Variants in ACOXL observed in about 807,000 individuals in gnomAD.
The protein encoded by ACOXL is acyl-CoA oxidase like.
Under a neutral mutation model 71.9 loss-of-function variants are expected in ACOXL, and 70 were observed. That is an observed-to-expected ratio of 0.97 (90% CI 0.80 to 1.19). The LOEUF is 1.19. ACOXL is among the 50% of genes most tolerant of loss of function. ACOXL has a pLI of 0.00. For missense variants in ACOXL, 703 were observed against 736.3 expected (o/e 0.95, Z 0.52); for synonymous variants, 253 against 281.6 (o/e 0.90, Z 1.02).
intron 13 of ACOXL, among the ~76,000 whole-genome samples, chr2:110,993,378 CAG>C (rs764777686): frequency 7.2e-5 from 11 of 152,340 alleles, no homozygotes; most frequent in Middle Eastern, 6.8e-3. Context: ...TTCACATAAA[CAG>C]AACCAGGCAG....
chr2:111,102,641 T>C (rs1278766481), intron 17 of ACOXL, among the ~76,000 whole-genome samples: 1 of 149,398 alleles, frequency 6.7e-6, no homozygotes, highest in East Asian at 2.1e-4. Flanking sequence ...AATAGCCATG[T>C]TGCACAAAAA....
intron 11 of ACOXL, among the ~76,000 whole-genome samples, chr2:110,920,643 C>T (rs1488346974): frequency 2.6e-5 from 4 of 151,536 alleles, no homozygotes; most frequent in Non-Finnish European, 4.4e-5. Context: ...CTCTAATGTT[C>T]TTTTTTGAGA....
At chr2:110,824,187 A>T (rs1688924721) in intron 9 of ACOXL, among the ~76,000 whole-genome samples, 1 of 152,168 alleles carries the variant, frequency 6.6e-6, no homozygotes, top group Non-Finnish European at 1.5e-5. Flanking sequence ...TTATGTGGGG[A>T]TATTTCTGAA....
chr2:110,911,007 G>A (rs972629139), intron 11 of ACOXL, among the ~76,000 whole-genome samples: 40 of 152,052 alleles, frequency 2.6e-4, no homozygotes, highest in African/African-American at 9.4e-4. Context: ...CTAAGACATT[G>A]CTATAACTGT....
chr2:111,052,353 C>A (rs1177759142), intron 16 of ACOXL, among the ~76,000 whole-genome samples: 1 of 152,122 alleles, frequency 6.6e-6, no homozygotes, highest in Non-Finnish European at 1.5e-5. Context: ...ATGAGGGGTA[C>A]TGTGGTGGCA....
At chr2:111,010,791 T>A (rs965464890) in intron 14 of ACOXL, among the ~76,000 whole-genome samples, 1 of 152,156 alleles carries the variant, frequency 6.6e-6, no homozygotes, top group Non-Finnish European at 1.5e-5. Flanking sequence ...AAAGATATCT[T>A]TACCGTGCTG....
chr2:110,733,962 C>T (rs1372010423), intron 1 of ACOXL, among the ~76,000 whole-genome samples: 2 of 152,154 alleles, frequency 1.3e-5, no homozygotes, highest in Non-Finnish European at 2.9e-5. Context: ...CACTAATGTA[C>T]AGTGGCAGTT....
chr2:111,030,875 C>G (rs2065234749), intron 14 of ACOXL, among the ~76,000 whole-genome samples: 1 of 152,198 alleles, frequency 6.6e-6, no homozygotes, highest in African/African-American at 2.4e-5. Flanking sequence ...TTCAGCTCCT[C>G]CTAAATGATG....
intron 10 of ACOXL, among the ~76,000 whole-genome samples, chr2:110,853,454 T>A (rs1692861043): frequency 6.6e-6 from 1 of 152,236 alleles, no homozygotes; most frequent in Non-Finnish European, 1.5e-5. Context: ...ATAGGCTGAA[T>A]CAAATCTGTG....
chr2:110,857,785 G>A (rs1393200562), intron 10 of ACOXL, among the ~76,000 whole-genome samples: 1 of 152,014 alleles, frequency 6.6e-6, no homozygotes, highest in Non-Finnish European at 1.5e-5. Context: ...GAGTTCGGTG[G>A]CCTGATCTCG....
intron 11 of ACOXL, among the ~76,000 whole-genome samples, chr2:110,933,023 A>G (rs1247767883): frequency 6.6e-6 from 1 of 152,148 alleles, no homozygotes; most frequent in Non-Finnish European, 1.5e-5. Context: ...GTTTGCAGGT[A>G]TAAATTTTTT....
At chr2:110,895,667 T>TAGAG (rs3058996) in intron 10 of ACOXL, among the ~76,000 whole-genome samples, 2,051 of 148,342 alleles carry the variant, frequency 0.014, 54 homozygotes, top group African/African-American at 0.048. Context: ...TTGAAAACAA[T>TAGAG]AGAGAGAGAG....
chr2:110,735,332 G>T (rs1470976453), intron 1 of ACOXL, among the ~76,000 whole-genome samples: 2 of 152,192 alleles, frequency 1.3e-5, no homozygotes, highest in African/African-American at 4.8e-5. Flanking sequence ...GGCAATGCCA[G>T]ATCTCCTGTG....
At chr2:110,917,728 G>A (rs1007042336) in intron 11 of ACOXL, among the ~76,000 whole-genome samples, 1 of 152,118 alleles carries the variant, frequency 6.6e-6, no homozygotes, top group African/African-American at 2.4e-5. Flanking sequence ...AAATCAATGT[G>A]CAAAAATCAC....
In ACOXL at chr2:111,117,799, C is replaced by T; in HGVS notation, c.1726C>T (p.Leu576=). Residue 576 remains leucine (L), a synonymous_variant, in exon 18 of 18, where the codon CTG becomes TTG. Coordinates refer to ENST00000439055, the MANE Select transcript of ACOXL (RefSeq NM_001142807.4). ...REEARSRRPK[L]GAKL ...AGAGGCGCGCTCCCGGCGGCCCAAG[C>T]TGGGAGCCAAGCTCTAACGGGTGTG... is the stretch of plus-strand genomic sequence containing the variant. 1 of 1,549,734 alleles carries T rather than the reference C, an allele frequency of 6.5e-7. No homozygotes were observed. The highest frequency in any genetic ancestry group is 8.7e-7 in the Non-Finnish European group (1 of 1,146,590).
intron 10 of ACOXL, among the ~76,000 whole-genome samples, chr2:110,897,962 A>G (rs896927422): frequency 1.3e-5 from 2 of 151,594 alleles, no homozygotes; most frequent in South Asian, 2.1e-4. Context: ...AATACTAGGA[A>G]CAACTCTGTA....
intron 9 of ACOXL, among the ~76,000 whole-genome samples, chr2:110,823,119 G>A (rs1201843680): frequency 6.6e-6 from 1 of 152,030 alleles, no homozygotes. Context: ...TGGGCGTGGT[G>A]GCATGCACCT....
At chr2:111,089,220 A>G (rs1422581742) in intron 16 of ACOXL, among the ~76,000 whole-genome samples, 1 of 152,190 alleles carries the variant, frequency 6.6e-6, no homozygotes, top group Non-Finnish European at 1.5e-5. Context: ...GAATCGCTTG[A>G]ACCAGGGAGG....
intron 11 of ACOXL, among the ~76,000 whole-genome samples, chr2:110,916,817 A>T (rs1168535528): frequency 6.6e-6 from 1 of 152,260 alleles, no homozygotes; most frequent in African/African-American, 2.4e-5. Flanking sequence ...GAAGAAATGG[A>T]TAAATTCCTG....
Sources: allele counts gnomAD v4.1 joint callset (sites outside exome capture counted in the v4.1 genomes callset), GRCh38; gene constraint gnomAD v4.1.1; transcripts MANE v1.5; gene names NCBI Gene and HGNC (gene_info 2026-07-23, HGNC 2026-07-21).